RBM19: variants seen among roughly 807,000 people sequenced by gnomAD.
The protein encoded by RBM19 is RNA binding motif protein 19.
A neutral mutation model predicts 116.8 loss-of-function variants in RBM19; 94 were observed. The ratio of observed to expected loss-of-function variants is 0.80; its 90% CI spans 0.68 to 0.95. RBM19 has a LOEUF of 0.95. Ranked by LOEUF, RBM19 falls within the 40% of genes least tolerant of loss-of-function variation. RBM19 has a pLI of 0.00. For synonymous variants in RBM19, 475 were observed against 494.1 expected (o/e 0.96, Z 0.51); for missense variants, 1,161 against 1,220.7 (o/e 0.95, Z 0.73).
intron 21 of RBM19, among the ~76,000 whole-genome samples, chr12:113,883,595 C>T (rs957006513): frequency 6.6e-6 from 1 of 152,266 alleles, no homozygotes; most frequent in Admixed American, 6.5e-5. Context: ...CACAATAGTG[C>T]CTACAGATAT....
chr12:113,893,095 A>C (rs776472614), intron 21 of RBM19, among the ~76,000 whole-genome samples: 1 of 151,434 alleles, frequency 6.6e-6, no homozygotes, highest in Non-Finnish European at 1.5e-5. Context: ...GCAGTGGTGC[A>C]ATCATGGCTC....
intron 23 of RBM19, among the ~76,000 whole-genome samples, chr12:113,842,369 C>T (rs1295959672): frequency 6.6e-6 from 1 of 152,206 alleles, no homozygotes; most frequent in East Asian, 1.9e-4. Context: ...TGCCGACGGG[C>T]GCATTTGGGC....
At chr12:113,963,972 T>C (rs1331730524) in intron 1 of RBM19, among the ~76,000 whole-genome samples, 1 of 152,206 alleles carries the variant, frequency 6.6e-6, no homozygotes, top group African/African-American at 2.4e-5. Flanking sequence ...TTAGATGCCT[T>C]AGATGGACGA....
chr12:113,928,311 T>C (rs994489744), intron 16 of RBM19, among the ~76,000 whole-genome samples: 1 of 152,042 alleles, frequency 6.6e-6, no homozygotes, highest in Non-Finnish European at 1.5e-5. Context: ...CACTCCAGCC[T>C]GGGTGACAGA....
Position 113,844,798 on chromosome 12 carries a change from G to T in RBM19, c.2665-10C>A, listed in dbSNP as rs551184268. 5.0e-6 allele frequency: 8 copies of T among 1,603,386 alleles called. No homozygotes were observed. The highest frequency in any genetic ancestry group is 6.8e-6 in the Non-Finnish European group (8 of 1,173,836). On this transcript the variant is annotated splice_polypyrimidine_tract_variant and intron_variant, in intron 22 of 23. Transcript: ENST00000261741. ...GGGCGTTGAAGGCTCTCTGCAGAGG[G>T]ACAAGAAACGAAACTGCACATCAGC...
At chr12:113,947,216 T>C in intron 11 of RBM19, 118 bp downstream of exon 11, 1 of 1,325,318 alleles carries the variant, frequency 7.5e-7, no homozygotes, top group Non-Finnish European at 1.0e-6. Context: ...CCATTGCACA[T>C]TTTCTTAGGC....
chr12:113,866,295 T>C (rs1254335641), intron 21 of RBM19, among the ~76,000 whole-genome samples: 2 of 152,162 alleles, frequency 1.3e-5, no homozygotes, highest in African/African-American at 4.8e-5. Flanking sequence ...AAAAATGGCC[T>C]AGATTCCAAG....
chr12:113,904,829 T>A (rs534310620), intron 21 of RBM19, among the ~76,000 whole-genome samples: 1 of 152,142 alleles, frequency 6.6e-6, no homozygotes, highest in Non-Finnish European at 1.5e-5. Flanking sequence ...TCCACCAAGA[T>A]GGCAGCTCTC....
chr12:113,890,248 T>G (rs556132560), intron 21 of RBM19, among the ~76,000 whole-genome samples: 1 of 152,260 alleles, frequency 6.6e-6, no homozygotes, highest in Non-Finnish European at 1.5e-5. Flanking sequence ...CTGCCGGAGC[T>G]GAGCCAGGCT....
chr12:113,874,535 C>T (rs980574096), intron 21 of RBM19, among the ~76,000 whole-genome samples: 3 of 152,182 alleles, frequency 2.0e-5, no homozygotes, highest in Non-Finnish European at 2.9e-5. Flanking sequence ...ACAGGACTTG[C>T]GTGTGGGTCT....
chr12:113,947,457 C>A lies in RBM19; in HGVS notation c.1284G>T (p.Leu428=). 6.2e-7 allele frequency: 1 copy of A among 1,600,612 alleles called. No homozygotes were observed. The highest frequency in any genetic ancestry group is 1.1e-5 in the South Asian group (1 of 90,454). The change falls in exon 11 of 24, where the codon CTG becomes CTT. Residue 428 remains leucine (L), a synonymous_variant. Coordinates refer to ENST00000261741, the MANE Select transcript of RBM19 (RefSeq NM_016196.4). ...LEKLFSKYGP[L]SELHYPIDSL... ...TGTCGATGGGGTAGTGGAGCTCAGA[C>A]AGGGGACCTGAGGACAGGAGAAGTG...
chr12:113,879,139 C>G (rs1019976798), intron 21 of RBM19, among the ~76,000 whole-genome samples: 4 of 152,094 alleles, frequency 2.6e-5, no homozygotes, highest in Non-Finnish European at 4.4e-5. Context: ...CTTGCTCAAT[C>G]CATGGGGAAG....
intron 23 of RBM19, among the ~76,000 whole-genome samples, chr12:113,840,243 T>C (rs551099742): frequency 2.4e-4 from 36 of 152,304 alleles, no homozygotes; most frequent in African/African-American, 7.9e-4. Context: ...CAATGAGGAA[T>C]TCAGACTCTT....
chr12:113,933,390 A>G (rs1869785681), intron 16 of RBM19, among the ~76,000 whole-genome samples: 2 of 152,112 alleles, frequency 1.3e-5, no homozygotes, highest in African/African-American at 4.8e-5. Flanking sequence ...AGCACCCGCC[A>G]GGAGGGGCTG....
chr12:113,958,045 C>A lies in RBM19; in HGVS notation c.577G>T (p.Ala193Ser). 1 of 1,606,730 alleles carries A rather than the reference C, an allele frequency of 6.2e-7. No individual in the cohort carries two copies. The highest frequency in any genetic ancestry group is 8.5e-7 in the Non-Finnish European group (1 of 1,176,664). Residue 193 changes from alanine to serine, a missense_variant, in exon 6 of 24, where the codon GCA (alanine) becomes TCA (serine). Transcript: ENST00000261741. Reference sequence around the variant, plus strand: ...ACAGCTGCCTTTGGTTCGAGGCTTGCCTCTTCTGGAAAAACAGGGAAGCTG... The same window carrying A: ...ACAGCTGCCTTTGGTTCGAGGCTTGACTCTTCTGGAAAAACAGGGAAGCTG... ...EGAGEDLEEE[A>S]SLEPKAAVQK...
chr12:113,839,837 G>A (rs1170498517), intron 23 of RBM19, among the ~76,000 whole-genome samples: 2 of 152,190 alleles, frequency 1.3e-5, no homozygotes, highest in Non-Finnish European at 2.9e-5. Context: ...CGGAATCCAG[G>A]TCTTGCCCTG....
At position 113,850,933 on chromosome 12, in the gene RBM19, C is replaced by A. The variant is rs541759501; in HGVS notation, c.2665-6145G>T. Among the ~76,000 whole-genome samples the A allele has an allele frequency of 5.3e-5, 8 of 152,274 alleles. 1 individual carries two copies. The South Asian group carries it at 1.0e-3, about 20-fold the overall frequency. On this transcript the variant is annotated intron_variant, in intron 22 of 23. Transcript: ENST00000261741. ...GTTGGGGGCTCTCTGCAGAGGTGGT[C>A]AAAAAATTGAGGCCAAGGACTTCTG...
At chr12:113,958,161 C>T (rs900253527) in intron 5 of RBM19, 111 bp from the exon 6 acceptor site, 12 of 1,503,874 alleles carry the variant, frequency 8.0e-6, no homozygotes, top group African/African-American at 7.0e-5. Context: ...CCATGCCCAC[C>T]GTGTCCATGG....
chr12:113,836,994 TACACACACACA>T (rs1347574221), intron 23 of RBM19, among the ~76,000 whole-genome samples: 1 of 56,250 alleles, frequency 1.8e-5, no homozygotes, highest in Non-Finnish European at 3.1e-5. Flanking sequence ...ACTTACTACA[TACACACACACA>T]CACACACACA....
Sources: gnomAD v4.1 joint callset for allele counts (sites outside exome capture counted in the v4.1 genomes callset) on GRCh38, gnomAD v4.1.1 for gene constraint, MANE v1.5 for transcripts, NCBI Gene and HGNC (gene_info 2026-07-23, HGNC 2026-07-21) for gene names.